The following RNF138 variants were observed in gnomAD, a reference collection of about 807,000 sequenced individuals.
The protein encoded by RNF138 is E3 ubiquitin-protein ligase RNF138.
A neutral mutation model predicts 31.0 loss-of-function variants in RNF138; 12 were observed. That is an observed-to-expected ratio of 0.39 (90% confidence interval 0.25 to 0.63). The LOEUF (loss-of-function observed/expected upper bound fraction) is 0.63, where lower values mean the gene tolerates loss of function less well. Among genes scored for constraint, RNF138 ranks in the 20% least tolerant of loss-of-function variants. The pLI is 0.52. For missense variants in RNF138, 192 were observed against 300.1 expected, an observed-to-expected ratio of 0.64 and a Z score of 2.66; for synonymous variants, 105 against 99.5, an observed-to-expected ratio of 1.06 and a Z score of -0.33.
intron 2 of RNF138, among the ~76,000 whole-genome samples, chr18:32,099,380 T>A (rs1389161746): frequency 1.3e-5 from 2 of 152,134 alleles, no homozygotes; most frequent in African/African-American, 4.8e-5. Flanking sequence ...ACAGTAAAAT[T>A]GGAGATAAGA....
intron 2 of RNF138, among the ~76,000 whole-genome samples, chr18:32,110,446 C>A (rs1470320853): frequency 6.6e-6 from 1 of 152,180 alleles, no homozygotes; most frequent in Non-Finnish European, 1.5e-5. Context: ...ACAGCCGAAT[C>A]AGTTGTAGAT....
chr18:32,099,658 G>A (rs1304248962), intron 2 of RNF138, among the ~76,000 whole-genome samples: 1 of 152,058 alleles, frequency 6.6e-6, no homozygotes, highest in Non-Finnish European at 1.5e-5. Context: ...GCCCCGCCTC[G>A]GCCTCCCAAA....
chr18:32,126,850 A>G lies in RNF138; in HGVS notation c.669+50A>G, dbSNP rs1175548464. 4.3e-6 allele frequency: 5 copies of G among 1,169,214 alleles called. No individual in the cohort carries two copies. The African/African-American group carries it at 7.7e-5, about 18-fold the overall frequency. The allele number at this position is 1,169,214 out of a possible 1,614,324, so 72.4% of individuals were successfully genotyped here. On this transcript the variant is annotated intron_variant, in intron 7 of 7. Transcript: ENST00000261593. ...AAAGTACTGTTTAAATATTAAAGTT[A>G]AAATAACTTTTTTGTAATCGACTTA...
intron 2 of RNF138, among the ~76,000 whole-genome samples, chr18:32,099,161 T>C (rs751611531): frequency 6.6e-5 from 10 of 152,276 alleles, no homozygotes; most frequent in Admixed American, 2.0e-4. Flanking sequence ...TTTTTGGTTA[T>C]AGGGTAATGC....
chr18:32,099,854 G>A (rs1315562059), intron 2 of RNF138, among the ~76,000 whole-genome samples: 5 of 152,064 alleles, frequency 3.3e-5, no homozygotes, highest in Non-Finnish European at 7.4e-5. Flanking sequence ...CTAATATATC[G>A]TTTCACATAT....
At chr18:32,123,692 T>C in intron 5 of RNF138, 118 bp downstream of exon 5, 2 of 649,954 alleles carry the variant, frequency 3.1e-6, no homozygotes, top group South Asian at 4.9e-5. Flanking sequence ...CACTTTGTTT[T>C]CCCAGGCTGG....
chr18:32,113,889 A>G (rs746557046), intron 4 of RNF138, 29 bp downstream of exon 4: 3 of 1,081,384 alleles, frequency 2.8e-6, no homozygotes, highest in Non-Finnish European at 2.7e-6. Flanking sequence ...TAAATACAGA[A>G]TTTTCATAAT....
intron 2 of RNF138, among the ~76,000 whole-genome samples, chr18:32,098,648 C>T (rs981817106): frequency 6.6e-6 from 1 of 151,838 alleles, no homozygotes; most frequent in African/African-American, 2.4e-5. Flanking sequence ...GTCAGGAGAT[C>T]GAGACCATCC....
intron 3 of RNF138, 94 bp downstream of exon 3, chr18:32,112,013 T>G (rs1568233696): frequency 9.1e-7 from 1 of 1,099,862 alleles, no homozygotes; most frequent in Non-Finnish European, 1.3e-6. Flanking sequence ...TTTTTTTTTT[T>G]GAAAAGATGA....
Position 32,129,802 on chromosome 18 carries a change from TTTTC to T in RNF138, c.*619_*622del, listed in dbSNP as rs1236516216. The stretch of plus-strand genomic sequence containing the variant: ...AAAGTGAAAGCTTGTTGTAAAGATA[TTTTC>T]TTTTTGTTATTAGAAGGAAATACAA... On this transcript the variant is annotated 3_prime_UTR_variant, in exon 8 of 8. Transcript: ENST00000261593. 6.6e-6 allele frequency: 1 copy of T among 152,588 alleles called. No individual in the cohort carries two copies. Among genetic ancestry groups the T allele is most frequent in the African/African-American group, 2.4e-5 (1 of 41,474 alleles). 9.5% of individuals were successfully genotyped at this position (152,588 alleles called of 1,614,324 possible). A position where few individuals can be genotyped will look rare whatever the true frequency, so the allele number is the denominator to read the frequency against.
chr18:32,100,468 CTTTT>C (rs754111567), intron 2 of RNF138, among the ~76,000 whole-genome samples: 6 of 69,886 alleles, frequency 8.6e-5, no homozygotes, highest in East Asian at 5.0e-4. Flanking sequence ...ACCCAACTAA[CTTTT>C]TTTTTTTTTT....
chr18:32,128,713 G>A (rs1413421171), intron 7 of RNF138, among the ~76,000 whole-genome samples: 1 of 152,096 alleles, frequency 6.6e-6, no homozygotes, highest in Non-Finnish European at 1.5e-5. Context: ...CAGTCTCCCT[G>A]TGTTGCCCAG....
intron 4 of RNF138, among the ~76,000 whole-genome samples, chr18:32,121,760 T>C (rs910908970): frequency 6.6e-6 from 1 of 152,216 alleles, no homozygotes; most frequent in African/African-American, 2.4e-5. Flanking sequence ...AACAAAATCA[T>C]GTAACCACTC....
chr18:32,111,659 A>T, intron 2 of RNF138, 95 bp from the exon 3 acceptor site: 1 of 1,000,364 alleles, frequency 1.0e-6, no homozygotes, highest in Non-Finnish European at 1.5e-6. Flanking sequence ...CTTATTTAAT[A>T]TGAATACATA....
chr18:32,098,491 GT>G (rs1448997855), intron 2 of RNF138, among the ~76,000 whole-genome samples: 3 of 152,104 alleles, frequency 2.0e-5, no homozygotes, highest in Non-Finnish European at 2.9e-5. Flanking sequence ...TACTTGAGTA[GT>G]TATGCTCTAA....
In RNF138 at chr18:32,126,856, AC is replaced by A. The variant is rs962754016; in HGVS notation, c.669+57del. 15 of 1,110,762 alleles carry A rather than the reference AC, an allele frequency of 1.4e-5. No individual in the cohort carries two copies. The African/African-American group carries it at 1.9e-4, about 14-fold the overall frequency. 68.8% of individuals were successfully genotyped at this position (1,110,762 alleles called of 1,614,324 possible). On this transcript the variant is annotated intron_variant, in intron 7 of 7. Transcript: ENST00000261593. ...CTGTTTAAATATTAAAGTTAAAATA[AC>A]TTTTTTGTAATCGACTTAAATTTTG...
Position 32,126,587 on chromosome 18 carries a change from C to G in RNF138, c.562-106C>G, listed in dbSNP as rs547020734. 267 of 631,362 alleles carry G rather than the reference C, an allele frequency of 4.2e-4. 1 individual carries two copies. In the African/African-American group the frequency reaches 4.3e-3, roughly 10 times the overall value. The allele number at this position is 631,362 out of a possible 1,614,324, so 39.1% of individuals were successfully genotyped here. ...ACTTGGCCTTTAAAAATGCTTCTCA[C>G]GTAGATATTTTTGGTAACATATCCC... On this transcript the variant is annotated intron_variant, in intron 6 of 7. Coordinates refer to ENST00000261593, the MANE Select transcript of RNF138 (RefSeq NM_016271.5).
At chr18:32,126,934 TTAA>T in intron 7 of RNF138, 134 bp downstream of exon 7, 1 of 569,036 alleles carries the variant, frequency 1.8e-6, no homozygotes, top group Non-Finnish European at 3.2e-6. Flanking sequence ...TCTTAGGTTT[TTAA>T]TAATACTGGT....
In RNF138 at chr18:32,092,246, C is replaced by T. The variant is rs954548676; in HGVS notation, c.-78+11C>T. 2.0e-5 allele frequency: 3 copies of T among 152,942 alleles called. No homozygotes were observed. The highest frequency in any genetic ancestry group is 7.3e-5 in the African/African-American group (3 of 41,290). The allele number at this position is 152,942 out of a possible 1,614,324, so 9.5% of individuals were successfully genotyped here. A position where few individuals can be genotyped will look rare whatever the true frequency, so the allele number is the denominator to read the frequency against. On this transcript the variant is annotated intron_variant, in intron 1 of 7. Coordinates refer to ENST00000261593, the MANE Select transcript of RNF138 (RefSeq NM_016271.5). Reference sequence around the variant, plus strand: ...CTTCGGGGCTCCTAGGTGAGAGTCTCCCCGGCGGAAGCGTGGAGGGGCCGG... The same window carrying T: ...CTTCGGGGCTCCTAGGTGAGAGTCTTCCCGGCGGAAGCGTGGAGGGGCCGG...
Sources: gnomAD v4.1 joint callset for allele counts (sites outside exome capture counted in the v4.1 genomes callset) on GRCh38, gnomAD v4.1.1 for gene constraint, MANE v1.5 for transcripts, NCBI Gene and HGNC (gene_info 2026-07-23, HGNC 2026-07-21) for gene names.